The following LRRTM3 variants were observed in gnomAD, a reference collection of about 807,000 sequenced individuals.
LRRTM3 encodes leucine-rich repeat transmembrane neuronal protein 3.
A neutral mutation model predicts 44.7 loss-of-function variants in LRRTM3; 24 were observed. The ratio of observed to expected loss-of-function variants is 0.54; its 90% CI spans 0.39 to 0.76. LRRTM3 has a LOEUF of 0.76. Among genes scored for constraint, LRRTM3 ranks in the 30% least tolerant of loss-of-function variants. LRRTM3 has a pLI of 0.00. For synonymous variants in LRRTM3, 277 were observed against 278.7 expected (o/e 0.99, Z 0.06); for missense variants, 587 against 702.2 (o/e 0.84, Z 1.85).
Position 66,928,410 on chromosome 10 carries a change from G to A in LRRTM3, c.1494G>A (p.Thr498=). The change falls in exon 2 of 3, where the codon ACG becomes ACA. Residue 498 remains threonine (T), a synonymous_variant. Transcript: ENST00000361320. ...TETSEMLLNG[T]GPCTYNKSGS... ...CCAGCGAGATGCTGCTGAATGGGAC[G>A]GGACCCTGCACCTATAACAAATCGG... is the stretch of plus-strand genomic sequence containing the variant. 1 of 1,613,864 alleles carries A rather than the reference G, an allele frequency of 6.2e-7. No individual in the cohort carries two copies. Among genetic ancestry groups the A allele is most frequent in the East Asian group, 2.2e-5 (1 of 44,878 alleles).
At chr10:66,979,504 C>T (rs1850288035) in intron 2 of LRRTM3, among the ~76,000 whole-genome samples, 1 of 152,018 alleles carries the variant, frequency 6.6e-6, no homozygotes, top group Non-Finnish European at 1.5e-5. Context: ...AAAATTTCGG[C>T]CCAGGGTGCA....
intron 2 of LRRTM3, among the ~76,000 whole-genome samples, chr10:67,092,192 T>C (rs1475918627): frequency 6.6e-6 from 1 of 151,990 alleles, no homozygotes; most frequent in African/African-American, 2.4e-5. Context: ...AACTATCATC[T>C]TTTCAACAAC....
intron 2 of LRRTM3, among the ~76,000 whole-genome samples, chr10:67,009,653 TTGTTG>T (rs1184472815): frequency 6.6e-6 from 1 of 152,146 alleles, no homozygotes; most frequent in Non-Finnish European, 1.5e-5. Context: ...ATACAGCTCT[TTGTTG>T]TGTTATTATC....
At chr10:67,010,694 A>G (rs934564437) in intron 2 of LRRTM3, among the ~76,000 whole-genome samples, 2 of 152,216 alleles carry the variant, frequency 1.3e-5, no homozygotes, top group African/African-American at 4.8e-5. Context: ...TTGTATAGCC[A>G]TGCAAGAAAG....
chr10:67,006,607 T>A (rs1852006737), intron 2 of LRRTM3, among the ~76,000 whole-genome samples: 1 of 152,072 alleles, frequency 6.6e-6, no homozygotes, highest in Non-Finnish European at 1.5e-5. Context: ...TTCAGAATTA[T>A]GTATTATAAA....
intron 2 of LRRTM3, among the ~76,000 whole-genome samples, chr10:67,029,131 A>G (rs1421971075): frequency 6.6e-6 from 1 of 152,210 alleles, no homozygotes; most frequent in African/African-American, 2.4e-5. Flanking sequence ...TCTACTGTTC[A>G]GCATAATCAC....
At chr10:66,965,319 G>A (rs1257339383) in intron 2 of LRRTM3, among the ~76,000 whole-genome samples, 3 of 152,036 alleles carry the variant, frequency 2.0e-5, no homozygotes, top group Non-Finnish European at 4.4e-5. Context: ...GGTGGATCAT[G>A]AGGTCAAGAG....
At position 66,928,323 on chromosome 10, in the gene LRRTM3, A is replaced by G; in HGVS notation, c.1407A>G (p.Leu469=). The G allele has an allele frequency of 6.2e-7, 1 of 1,614,172 alleles. No individual in the cohort carries two copies. Among genetic ancestry groups the G allele is most frequent in the Non-Finnish European group, 8.5e-7 (1 of 1,180,020 alleles). The change falls in exon 2 of 3, where the codon CTA becomes CTG. Residue 469 remains leucine (L), a synonymous_variant. Transcript: ENST00000361320. ...RRHRKKKRQS[L]KQMTPSTQEF... Reference sequence around the variant, plus strand: ...ACAGGAAAAAGAAAAGACAGTCCCTAAAGCAAATGACTCCCAGCACCCAGG... The same window carrying G: ...ACAGGAAAAAGAAAAGACAGTCCCTGAAGCAAATGACTCCCAGCACCCAGG...
chr10:66,969,855 C>T (rs958516796), intron 2 of LRRTM3, among the ~76,000 whole-genome samples: 1 of 152,126 alleles, frequency 6.6e-6, no homozygotes, highest in Admixed American at 6.6e-5. Flanking sequence ...CTCTATATTT[C>T]CACAACATGG....
chr10:66,978,552 A>AAATATAT, intron 2 of LRRTM3, among the ~76,000 whole-genome samples: 6 of 37,880 alleles, frequency 1.6e-4, no homozygotes, highest in African/African-American at 5.2e-4. Flanking sequence ...AAAAAAAAAA[A>AAATATAT]ATATATATAT....
intron 2 of LRRTM3, among the ~76,000 whole-genome samples, chr10:67,053,310 G>C (rs151025441): frequency 1.3e-3 from 204 of 152,176 alleles, no homozygotes; most frequent in African/African-American, 4.7e-3. Flanking sequence ...CAAATTTGCA[G>C]GACATTACTG....
Position 66,927,382 on chromosome 10 carries a change from T to C in LRRTM3, c.466T>C (p.Leu156=). 6.2e-7 allele frequency: 1 copy of C among 1,614,206 alleles called. No homozygotes were observed. Among genetic ancestry groups the C allele is most frequent in the Non-Finnish European group, 8.5e-7 (1 of 1,180,030 alleles). Residue 156 remains leucine (L), a synonymous_variant, in exon 2 of 3, where the codon TTG becomes CTG. Transcript: ENST00000361320. The surrounding 1 kb of genome is among the most constrained non-coding windows in gnomAD (Gnocchi z 4.7). The stretch of plus-strand genomic sequence containing the variant: ...TCTGGGATCTGAACAGTTTCGGGGC[T>C]TGCGGAAGCTGCTGAGTTTACATTT... The part of the protein sequence containing the change: ...HSLGSEQFRG[L]RKLLSLHLRS...
chr10:67,015,926 G>T (rs1376884634), intron 2 of LRRTM3, among the ~76,000 whole-genome samples: 1 of 151,624 alleles, frequency 6.6e-6, no homozygotes, highest in Non-Finnish European at 1.5e-5. Flanking sequence ...TATTCTATTT[G>T]TGTTGCTTCC....
intron 2 of LRRTM3, among the ~76,000 whole-genome samples, chr10:66,983,631 G>A (rs1390288791): frequency 1.3e-5 from 2 of 152,102 alleles, no homozygotes; most frequent in African/African-American, 4.8e-5. Context: ...AGATTATTCT[G>A]CCACTCAACC....
chr10:66,965,554 A>G (rs924038361), intron 2 of LRRTM3, among the ~76,000 whole-genome samples: 19 of 84,556 alleles, frequency 2.2e-4, no homozygotes, highest in African/African-American at 6.1e-4. Context: ...GAAAAGAAAA[A>G]AAAAAAAGCT....
chr10:66,935,867 C>T (rs941412939), intron 2 of LRRTM3, among the ~76,000 whole-genome samples: 1 of 150,898 alleles, frequency 6.6e-6, no homozygotes, highest in Non-Finnish European at 1.5e-5. Context: ...TACATTTTCA[C>T]TTCTTTATAG....
At chr10:67,086,800 G>C (rs759575103) in intron 2 of LRRTM3, among the ~76,000 whole-genome samples, 1 of 151,830 alleles carries the variant, frequency 6.6e-6, no homozygotes, top group Non-Finnish European at 1.5e-5. Flanking sequence ...CCAAACACTA[G>C]TATCTGTTAT....
At chr10:67,071,937 T>C (rs1856490468) in intron 2 of LRRTM3, among the ~76,000 whole-genome samples, 1 of 152,144 alleles carries the variant, frequency 6.6e-6, no homozygotes, top group African/African-American at 2.4e-5. Flanking sequence ...TTCAAGAATA[T>C]GTGTTTGATT....
intron 2 of LRRTM3, among the ~76,000 whole-genome samples, chr10:66,958,083 T>G (rs1232394340): frequency 6.6e-6 from 1 of 152,084 alleles, no homozygotes; most frequent in African/African-American, 2.4e-5. Context: ...CATTCATCCT[T>G]GCTGGCCTTC....
Sources: allele counts gnomAD v4.1 joint callset (sites outside exome capture counted in the v4.1 genomes callset), GRCh38; gene constraint gnomAD v4.1.1; non-coding constraint Gnocchi (gnomAD v3.1); transcripts MANE v1.5; gene names NCBI Gene and HGNC (gene_info 2026-07-23, HGNC 2026-07-21).